The following NRG1 variants were observed in gnomAD, a reference collection of about 807,000 sequenced individuals.
The protein encoded by NRG1 is pro-neuregulin-1, membrane-bound isoform.
A neutral mutation model predicts 63.8 loss-of-function variants in NRG1; 18 were observed. The ratio of observed to expected loss-of-function variants is 0.28; its 90% confidence interval spans 0.19 to 0.42. The LOEUF is 0.42. Ranked by LOEUF, NRG1 falls within the 10% of genes least tolerant of loss-of-function variation. The pLI, the probability that NRG1 is intolerant of heterozygous loss-of-function variation, is 1.00. For synonymous variants in NRG1, 302 were observed against 301.3 expected, an observed-to-expected ratio of 1.00 and a Z score of -0.02; for missense variants, 762 against 814.7, an observed-to-expected ratio of 0.94 and a Z score of 0.79.
At chr8:32,139,828 A>C (rs1184707822) in intron 1 of NRG1, among the ~76,000 whole-genome samples, 2 of 152,214 alleles carry the variant, frequency 1.3e-5, no homozygotes, top group Non-Finnish European at 2.9e-5. Context: ...TAGACAATGC[A>C]TGATAAATTG....
At chr8:32,351,923 G>A (rs539472623) in intron 1 of NRG1, among the ~76,000 whole-genome samples, 3 of 151,756 alleles carry the variant, frequency 2.0e-5, no homozygotes, top group African/African-American at 4.8e-5. Context: ...GGGACATTAA[G>A]TGATGGTCAC....
chr8:32,319,861 A>G (rs1801169746), intron 1 of NRG1, among the ~76,000 whole-genome samples: 1 of 152,160 alleles, frequency 6.6e-6, no homozygotes, highest in Non-Finnish European at 1.5e-5. Flanking sequence ...TTCTGCATAT[A>G]ATATGCACAC....
At chr8:32,166,489 G>A (rs1357104030) in intron 1 of NRG1, among the ~76,000 whole-genome samples, 2 of 152,138 alleles carry the variant, frequency 1.3e-5, no homozygotes, top group Non-Finnish European at 2.9e-5. Flanking sequence ...TGTTTTAGCA[G>A]TGAGTTATAT....
At chr8:32,741,700 A>G (rs1826343131) in intron 6 of NRG1, among the ~76,000 whole-genome samples, 1 of 152,202 alleles carries the variant, frequency 6.6e-6, no homozygotes, top group South Asian at 2.1e-4. Context: ...AGTGGCAAAT[A>G]GGGTCATGCC....
chr8:31,814,362 A>G (rs527346858), intron 1 of NRG1, among the ~76,000 whole-genome samples: 2 of 152,298 alleles, frequency 1.3e-5, no homozygotes, highest in East Asian at 3.9e-4. Context: ...GAGCTTGGAA[A>G]ATTCATAAAA....
chr8:32,462,689 T>C (rs1587791726), intron 1 of NRG1, among the ~76,000 whole-genome samples: 1 of 147,322 alleles, frequency 6.8e-6, no homozygotes, highest in Middle Eastern at 3.5e-3. Flanking sequence ...CTGCAACTTC[T>C]GCCTCCTGGG....
intron 5 of NRG1, among the ~76,000 whole-genome samples, chr8:32,726,214 C>G (rs763898898): frequency 2.0e-5 from 3 of 152,098 alleles, no homozygotes; most frequent in Admixed American, 6.6e-5. Context: ...TAGCATACAT[C>G]TTTGAAGTCC....
intron 1 of NRG1, among the ~76,000 whole-genome samples, chr8:31,721,173 T>C (rs1812879303): frequency 1.3e-5 from 2 of 152,152 alleles, no homozygotes; most frequent in Admixed American, 6.6e-5. Context: ...AATTTTTTTT[T>C]CTTGAAAAGT....
chr8:31,679,251 A>G (rs1186585657), intron 1 of NRG1, among the ~76,000 whole-genome samples: 1 of 152,050 alleles, frequency 6.6e-6, no homozygotes, highest in East Asian at 1.9e-4. Flanking sequence ...ACATCTAGAC[A>G]CCCTACCCCA....
At chr8:31,983,304 G>A (rs1356120652) in intron 1 of NRG1, among the ~76,000 whole-genome samples, 1 of 152,006 alleles carries the variant, frequency 6.6e-6, no homozygotes, top group Non-Finnish European at 1.5e-5. Context: ...TTTTATAAAG[G>A]ACATAACTAG....
At chr8:31,837,614 C>A (rs1825798112) in intron 1 of NRG1, among the ~76,000 whole-genome samples, 1 of 151,960 alleles carries the variant, frequency 6.6e-6, no homozygotes, top group Non-Finnish European at 1.5e-5. Context: ...TATCTGCTGA[C>A]CAACCTCTTC....
intron 1 of NRG1, among the ~76,000 whole-genome samples, chr8:31,687,199 G>A (rs1199385806): frequency 6.6e-6 from 1 of 152,176 alleles, no homozygotes; most frequent in Non-Finnish European, 1.5e-5. Flanking sequence ...AGAAGCGACA[G>A]CACAGAGAAA....
chr8:32,004,459 C>G (rs946569531), intron 1 of NRG1, among the ~76,000 whole-genome samples: 1 of 140,594 alleles, frequency 7.1e-6, no homozygotes, highest in Non-Finnish European at 1.5e-5. Context: ...GTGCACCACA[C>G]TAATGCAAGA....
chr8:31,746,401 A>G (rs916934738), intron 1 of NRG1, among the ~76,000 whole-genome samples: 2 of 152,138 alleles, frequency 1.3e-5, no homozygotes, highest in Non-Finnish European at 1.5e-5. Context: ...AAATTAGACG[A>G]CGTTTTTCAT....
chr8:32,684,795 A>G lies in NRG1; in HGVS notation c.503-43154A>G, dbSNP rs75516280. Reference sequence around the variant, plus strand: ...GCTAGGAAATTAGTTGTAAGAGCAGAAAGGTAATTAGGTAGGTGGTATAAA... The same window carrying G: ...GCTAGGAAATTAGTTGTAAGAGCAGGAAGGTAATTAGGTAGGTGGTATAAA... On this transcript the variant is annotated intron_variant, in intron 5 of 11. Transcript: ENST00000356819. Among the ~76,000 whole-genome samples the G allele has an allele frequency of 4.1e-3, 621 of 152,268 alleles. 18 individuals carry two copies. In the East Asian group the frequency reaches 0.079, roughly 19 times the overall value.
chr8:32,067,590 C>A (rs2130983208), intron 1 of NRG1, among the ~76,000 whole-genome samples: 1 of 152,160 alleles, frequency 6.6e-6, no homozygotes, highest in South Asian at 2.1e-4. Flanking sequence ...ATTTGGTTTG[C>A]CAGTATTTTA....
chr8:32,225,177 C>T (rs1846195657), intron 1 of NRG1, among the ~76,000 whole-genome samples: 1 of 152,142 alleles, frequency 6.6e-6, no homozygotes, highest in African/African-American at 2.4e-5. Context: ...AAATGCAAAA[C>T]CTGCTACCTC....
intron 1 of NRG1, among the ~76,000 whole-genome samples, chr8:32,216,535 A>C (rs765382954): frequency 6.7e-6 from 1 of 149,866 alleles, no homozygotes; most frequent in Non-Finnish European, 1.5e-5. Flanking sequence ...AGTTTAGAAC[A>C]TAAATTCTAT....
At chr8:32,251,392 C>G (rs953275845) in intron 1 of NRG1, among the ~76,000 whole-genome samples, 40 of 151,866 alleles carry the variant, frequency 2.6e-4, no homozygotes, top group African/African-American at 9.4e-4. Flanking sequence ...CAAACTCAAC[C>G]TTTTTTATGG....
Sources: allele counts gnomAD v4.1 joint callset (sites outside exome capture counted in the v4.1 genomes callset), GRCh38; gene constraint gnomAD v4.1.1; transcripts MANE v1.5; gene names NCBI Gene and HGNC (gene_info 2026-07-23, HGNC 2026-07-21).